The following UBN2 variants were observed in gnomAD, a reference collection of about 807,000 sequenced individuals.
UBN2 encodes the protein ubinuclein-2.
In UBN2, 35 loss-of-function variants were observed where a neutral mutation model predicts 120.2. The ratio of observed to expected loss-of-function variants is 0.29; its 90% CI spans 0.22 to 0.39. The LOEUF (loss-of-function observed/expected upper bound fraction) is 0.39, where lower values mean the gene tolerates loss of function less well. Among genes scored for constraint, UBN2 ranks in the 10% least tolerant of loss-of-function variants. UBN2 has a pLI of 1.00. For missense variants in UBN2, 1,693 were observed against 1,663.2 expected (o/e 1.02, Z -0.31); for synonymous variants, 661 against 648.7 (o/e 1.02, Z -0.29).
intron 2 of UBN2, among the ~76,000 whole-genome samples, chr7:139,244,915 ACTCT>A (rs1220992011): frequency 1.3e-5 from 2 of 151,680 alleles, no homozygotes; most frequent in Non-Finnish European, 2.9e-5. Flanking sequence ...ATTAATAAAT[ACTCT>A]CTATCACAAT....
rs967127596 is a variant in UBN2, at chr7:139,302,988, C to T, written c.*5152C>T. 1.3e-5 allele frequency: 2 copies of T among 152,098 alleles called. No homozygotes were observed. The highest frequency in any genetic ancestry group is 2.4e-5 in the African/African-American group (1 of 41,424). 9.4% of individuals were successfully genotyped at this position (152,098 alleles called of 1,614,324 possible). On this transcript the variant is annotated 3_prime_UTR_variant, in exon 18 of 18. Coordinates refer to ENST00000473989, the MANE Select transcript of UBN2 (RefSeq NM_173569.4). ...CATGTGACAAGGCTAGCGTTAGAAC[C>T]GCAGTTTGGTGTCTAAGTTTAGAAG... is the stretch of plus-strand genomic sequence containing the variant.
intron 5 of UBN2, among the ~76,000 whole-genome samples, chr7:139,259,747 A>G (rs1796874466): frequency 6.6e-6 from 1 of 152,120 alleles, no homozygotes; most frequent in Non-Finnish European, 1.5e-5. Flanking sequence ...TAATATTAAA[A>G]ATTTTGATTT....
At chr7:139,309,661 G>A (rs182490808), downstream of UBN2, among the ~76,000 whole-genome samples, 23 of 152,156 alleles carry the variant, frequency 1.5e-4, 1 homozygote, top group East Asian at 3.7e-3. Context: ...ACCTGAGGTC[G>A]GGAATTTGAG....
Position 139,293,766 on chromosome 7 carries a change from T to C in UBN2, c.3902-123T>C, listed in dbSNP as rs183643872. The stretch of plus-strand genomic sequence containing the variant: ...TAAGTAAATTTTCAAAAACGTGCTC[T>C]AGTTTTAGAAGGCCTTCGAAGTCAG... On this transcript the variant is annotated intron_variant, in intron 16 of 17. Coordinates refer to ENST00000473989, the MANE Select transcript of UBN2 (RefSeq NM_173569.4). 617 of 855,242 alleles carry C rather than the reference T, an allele frequency of 7.2e-4. 2 individuals carry two copies. In the African/African-American group the frequency reaches 9.6e-3, roughly 13 times the overall value. The allele number at this position is 855,242 out of a possible 1,614,324, so 53.0% of individuals were successfully genotyped here. A position where few individuals can be genotyped will look rare whatever the true frequency, so the allele number is the denominator to read the frequency against.
chr7:139,282,198 CAA>C (rs770682778), intron 14 of UBN2, 143 bp downstream of exon 14: 1 of 584,152 alleles, frequency 1.7e-6, no homozygotes, highest in Admixed American at 3.2e-5. Flanking sequence ...TAAAATGAGT[CAA>C]ATACTTTTAT....
chr7:139,267,968 C>G (rs1055801044), intron 7 of UBN2, among the ~76,000 whole-genome samples: 2 of 152,234 alleles, frequency 1.3e-5, no homozygotes, highest in Non-Finnish European at 2.9e-5. Flanking sequence ...ATTCCATAGT[C>G]AGGGATCTGA....
intron 2 of UBN2, 48 bp downstream of exon 2, chr7:139,237,145 G>A (rs373624387): frequency 2.4e-4 from 333 of 1,414,950 alleles, no homozygotes; most frequent in Non-Finnish European, 3.0e-4. Flanking sequence ...CTATTGACCT[G>A]TTTGCTTTCT....
chr7:139,299,122 A>T lies in UBN2; in HGVS notation c.*1286A>T, dbSNP rs1173656281. The T allele has an allele frequency of 6.6e-6, 1 of 152,202 alleles. No individual in the cohort carries two copies. The highest frequency in any genetic ancestry group is 1.5e-5 in the Non-Finnish European group (1 of 68,022). The allele number at this position is 152,202 out of a possible 1,614,324, so 9.4% of individuals were successfully genotyped here. On this transcript the variant is annotated 3_prime_UTR_variant, in exon 18 of 18. Transcript: ENST00000473989. The stretch of plus-strand genomic sequence containing the variant: ...ATTATAGCTTCCTTATGCAAATAGC[A>T]TATTCAACAAAGGATGTTAAGGGAA...
intron 13 of UBN2, among the ~76,000 whole-genome samples, chr7:139,280,633 T>C (rs1797579734): frequency 6.6e-6 from 1 of 151,898 alleles, no homozygotes; most frequent in Non-Finnish European, 1.5e-5. Flanking sequence ...GGGTAAATAG[T>C]CTTCTTTTTC....
chr7:139,319,020 A>G, the UBN2 span, among the ~76,000 whole-genome samples: 1 of 151,874 alleles, frequency 6.6e-6, no homozygotes, highest in African/African-American at 2.4e-5. Context: ...ATTCTCAGCA[A>G]TTCCCTGTCT....
At position 139,259,257 on chromosome 7, in the gene UBN2, CA is replaced by C. The variant is rs1796856760; in HGVS notation, c.802-9del. The C allele has an allele frequency of 6.2e-7, 1 of 1,610,434 alleles. No individual in the cohort carries two copies. Among genetic ancestry groups the C allele is most frequent in the Non-Finnish European group, 8.5e-7 (1 of 1,178,968 alleles). The stretch of plus-strand genomic sequence containing the variant: ...CTTACATAAATGATCATTCTTTTAT[CA>C]TTTTGCAGGTCCCCAAAATAAAAGA... On this transcript the variant is annotated splice_polypyrimidine_tract_variant and intron_variant, in intron 4 of 17. Transcript: ENST00000473989.
chr7:139,323,592 ATT>A, the UBN2 span, among the ~76,000 whole-genome samples: 1 of 120,648 alleles, frequency 8.3e-6, no homozygotes, highest in Non-Finnish European at 1.8e-5. Flanking sequence ...TATTATTATT[ATT>A]ATTATTATTT....
chr7:139,314,640 C>G, the UBN2 span, among the ~76,000 whole-genome samples: 5 of 151,946 alleles, frequency 3.3e-5, no homozygotes, highest in African/African-American at 1.2e-4. Flanking sequence ...AATGCACCAC[C>G]ACACCCAGCT....
chr7:139,234,717 T>C (rs1157496568), intron 1 of UBN2, among the ~76,000 whole-genome samples: 4 of 152,206 alleles, frequency 2.6e-5, no homozygotes, highest in Non-Finnish European at 5.9e-5. Context: ...AAAAATCAGT[T>C]AACCAGAACA....
chr7:139,276,077 T>C lies in UBN2; in HGVS notation c.1974-20T>C, dbSNP rs1310851543. The C allele has an allele frequency of 6.3e-7, 1 of 1,599,182 alleles. No individual in the cohort carries two copies. The highest frequency in any genetic ancestry group is 8.6e-7 in the Non-Finnish European group (1 of 1,168,984). On this transcript the variant is annotated intron_variant, in intron 11 of 17. Transcript: ENST00000473989. ...TCTGCTATAAAGAAAATAATAATTG[T>C]GTTCTTTAAATTTTTCCAGAATGCT...
In UBN2 at chr7:139,251,066, C is replaced by A. The variant is rs142216184; in HGVS notation, c.562-890C>A. Among the ~76,000 whole-genome samples, 1,135 of 152,236 alleles carry A rather than the reference C, an allele frequency of 7.5e-3. 16 individuals carry two copies. Among genetic ancestry groups the A allele is most frequent in the African/African-American group, 0.026 (1,090 of 41,528 alleles). ...CTGCAGTGAAGCCATGATCATGCCA[C>A]TGCACTCCAGCCTGGGTGACAGAGT... On this transcript the variant is annotated intron_variant, in intron 2 of 17. Coordinates refer to ENST00000473989, the MANE Select transcript of UBN2 (RefSeq NM_173569.4).
At chr7:139,309,764 G>A (rs569320382), downstream of UBN2, among the ~76,000 whole-genome samples, 3 of 152,256 alleles carry the variant, frequency 2.0e-5, no homozygotes, top group Admixed American at 6.5e-5. Context: ...CCAGCTATTC[G>A]GGAGGCTGAG....
Position 139,304,970 on chromosome 7 carries a change from T to G in UBN2, c.*7134T>G, listed in dbSNP as rs1402213042. The stretch of plus-strand genomic sequence containing the variant: ...ACAGAAGCATAAAATAGAGATACTT[T>G]GTGTGTTCATCTATCGTAAAATGTG... On this transcript the variant is annotated 3_prime_UTR_variant, in exon 18 of 18. Coordinates refer to ENST00000473989, the MANE Select transcript of UBN2 (RefSeq NM_173569.4). The G allele has an allele frequency of 6.6e-6, 1 of 152,186 alleles. No homozygotes were observed. The highest frequency in any genetic ancestry group is 1.5e-5 in the Non-Finnish European group (1 of 68,030). The allele number at this position is 152,186 out of a possible 1,614,324, so 9.4% of individuals were successfully genotyped here.
At chr7:139,317,497 T>C in the UBN2 span, among the ~76,000 whole-genome samples, 19 of 152,152 alleles carry the variant, frequency 1.2e-4, no homozygotes, top group African/African-American at 4.6e-4. Context: ...ATCCATTTTC[T>C]CTTTTTCTGA....
Sources: gnomAD v4.1 joint callset for allele counts (sites outside exome capture counted in the v4.1 genomes callset) on GRCh38, gnomAD v4.1.1 for gene constraint, MANE v1.5 for transcripts, NCBI Gene and HGNC (gene_info 2026-07-23, HGNC 2026-07-21) for gene names.